BMPR1B: variants seen among roughly 807,000 people sequenced by gnomAD.
BMPR1B encodes bone morphogenetic protein receptor type-1B.
BMPR1B carries 12 observed loss-of-function variants against 59.1 expected under a neutral mutation model. The observed-to-expected ratio is 0.20, with a 90% confidence interval of 0.13 to 0.33. BMPR1B has a LOEUF of 0.33. Among genes scored for constraint, BMPR1B ranks in the 10% least tolerant of loss-of-function variants. BMPR1B has a pLI of 1.00. For synonymous variants in BMPR1B, 237 were observed against 207.3 expected (o/e 1.14, Z -1.23); for missense variants, 550 against 610.9 (o/e 0.90, Z 1.05).
chr4:95,150,677 A>G (rs911924466), intron 11 of BMPR1B, among the ~76,000 whole-genome samples: 4 of 152,214 alleles, frequency 2.6e-5, no homozygotes, highest in Non-Finnish European at 5.9e-5. Flanking sequence ...AAGTAGCTTT[A>G]TATAAACAGC....
Position 95,125,109 on chromosome 4 carries a change from C to T in BMPR1B, c.573C>T (p.Gly191=), listed in dbSNP as rs1227123248. Reference sequence around the variant, plus strand: ...CTCAGAGCTCAGGAAGTGGATCAGGCCTCCCTCTGCTGGTATGAGAAGAAC... The same window carrying T: ...CTCAGAGCTCAGGAAGTGGATCAGGTCTCCCTCTGCTGGTATGAGAAGAAC... ...EQSQSSGSGS[G]LPLLVQRTIA... Residue 191 remains glycine (G), a synonymous_variant, in exon 8 of 13, where the codon GGC becomes GGT. Coordinates refer to ENST00000515059, the MANE Select transcript of BMPR1B (RefSeq NM_001203.3). The T allele has an allele frequency of 3.1e-6, 5 of 1,613,626 alleles. No individual in the cohort carries two copies.
At chr4:94,908,254 G>A (rs1357027325) in intron 2 of BMPR1B, among the ~76,000 whole-genome samples, 1 of 151,454 alleles carries the variant, frequency 6.6e-6, no homozygotes, top group Non-Finnish European at 1.5e-5. Flanking sequence ...CAGAATTATG[G>A]AATTTTGTAA....
intron 3 of BMPR1B, among the ~76,000 whole-genome samples, chr4:95,056,425 C>G (rs1291140100): frequency 6.6e-6 from 1 of 151,966 alleles, no homozygotes; most frequent in Non-Finnish European, 1.5e-5. Flanking sequence ...TATATAAAAT[C>G]ATAGTATTGA....
chr4:94,868,222 G>T (rs1157849246), intron 1 of BMPR1B, among the ~76,000 whole-genome samples: 6 of 151,030 alleles, frequency 4.0e-5, no homozygotes, highest in Non-Finnish European at 8.8e-5. Flanking sequence ...AGACAGGAGT[G>T]CAGTGGGGTG....
chr4:95,136,314 T>C (rs571879633), intron 10 of BMPR1B, among the ~76,000 whole-genome samples: 1 of 152,358 alleles, frequency 6.6e-6, no homozygotes, highest in African/African-American at 2.4e-5. Flanking sequence ...GTTTTGCCAG[T>C]ATTTTATTGA....
At chr4:94,884,053 A>G (rs546844988) in intron 2 of BMPR1B, among the ~76,000 whole-genome samples, 11 of 152,328 alleles carry the variant, frequency 7.2e-5, no homozygotes, top group African/African-American at 2.6e-4. Flanking sequence ...TGCTAAAAGA[A>G]TATTTTTCTG....
chr4:94,758,398 C>T (rs1041738078), intron 1 of BMPR1B, among the ~76,000 whole-genome samples: 60 of 151,126 alleles, frequency 4.0e-4, no homozygotes, highest in Admixed American at 1.6e-3. Context: ...GCGGCGGCGG[C>T]GGGCGGGACA....
chr4:94,937,320 C>A (rs547169521), intron 2 of BMPR1B, among the ~76,000 whole-genome samples: 1 of 152,212 alleles, frequency 6.6e-6, no homozygotes, highest in Middle Eastern at 3.4e-3. Flanking sequence ...TCTGTCTTCC[C>A]GTATTAATGC....
At chr4:94,780,880 G>T (rs915836952) in intron 1 of BMPR1B, among the ~76,000 whole-genome samples, 1 of 151,638 alleles carries the variant, frequency 6.6e-6, no homozygotes, top group Admixed American at 6.6e-5. Flanking sequence ...AGTAGAGATG[G>T]GGTTTCACCG....
chr4:94,842,319 A>T (rs1020370569), intron 1 of BMPR1B, among the ~76,000 whole-genome samples: 1 of 152,170 alleles, frequency 6.6e-6, no homozygotes, highest in South Asian at 2.1e-4. Flanking sequence ...AAAAATCTTA[A>T]CGTACTGGAG....
chr4:94,840,081 A>G (rs1724994545), intron 1 of BMPR1B, among the ~76,000 whole-genome samples: 1 of 151,514 alleles, frequency 6.6e-6, no homozygotes, highest in Non-Finnish European at 1.5e-5. Context: ...AGAATGTTGA[A>G]TATTGGCCCC....
intron 3 of BMPR1B, among the ~76,000 whole-genome samples, chr4:95,070,252 G>A (rs1728177397): frequency 6.6e-6 from 1 of 152,138 alleles, no homozygotes; most frequent in African/African-American, 2.4e-5. Context: ...GCCTCCTTTT[G>A]GCATCTTCTT....
At chr4:94,768,480 A>T (rs1205081543) in intron 1 of BMPR1B, among the ~76,000 whole-genome samples, 1 of 151,942 alleles carries the variant, frequency 6.6e-6, no homozygotes, top group Non-Finnish European at 1.5e-5. Flanking sequence ...ATTCTCTTTT[A>T]CTCTTCACCT....
intron 2 of BMPR1B, among the ~76,000 whole-genome samples, chr4:94,969,495 T>C (rs1270727594): frequency 6.6e-6 from 1 of 152,224 alleles, no homozygotes; most frequent in Admixed American, 6.5e-5. Flanking sequence ...TTGGGTAGTA[T>C]TCTCAGAAAA....
intron 1 of BMPR1B, among the ~76,000 whole-genome samples, chr4:94,842,083 C>A (rs185536010): frequency 2.0e-5 from 3 of 152,198 alleles, no homozygotes; most frequent in African/African-American, 7.2e-5. Context: ...AGTGCACACA[C>A]ACCCCAGGGT....
intron 1 of BMPR1B, among the ~76,000 whole-genome samples, chr4:94,855,772 T>C (rs944544950): frequency 6.9e-6 from 1 of 144,294 alleles, no homozygotes; most frequent in African/African-American, 2.7e-5. Context: ...AATAAATTTA[T>C]TTAAAATAAA....
At chr4:94,959,480 A>C (rs1412913985) in intron 2 of BMPR1B, among the ~76,000 whole-genome samples, 1 of 152,182 alleles carries the variant, frequency 6.6e-6, no homozygotes, top group Non-Finnish European at 1.5e-5. Flanking sequence ...ATGAGTCAGT[A>C]AGCATTTTGC....
intron 1 of BMPR1B, among the ~76,000 whole-genome samples, chr4:94,813,878 G>T (rs374075969): frequency 3.9e-5 from 6 of 152,096 alleles, no homozygotes; most frequent in Admixed American, 3.9e-4. Context: ...AGGATTTTTG[G>T]TCTGTACAAC....
At chr4:94,982,594 G>C (rs901408092) in intron 2 of BMPR1B, among the ~76,000 whole-genome samples, 2 of 152,138 alleles carry the variant, frequency 1.3e-5, no homozygotes, top group African/African-American at 4.8e-5. Context: ...AGTCCTCGTT[G>C]ATATTAATGT....
Sources: gnomAD v4.1 joint callset for allele counts (sites outside exome capture counted in the v4.1 genomes callset) on GRCh38, gnomAD v4.1.1 for gene constraint, MANE v1.5 for transcripts, NCBI Gene and HGNC (gene_info 2026-07-23, HGNC 2026-07-21) for gene names.